The following RASA3 variants were observed in gnomAD, a reference collection of about 807,000 sequenced individuals.
RASA3 encodes the protein RAS p21 protein activator 3.
RASA3 carries 73 observed loss-of-function variants against 110.0 expected under a neutral mutation model. That is an observed-to-expected ratio of 0.66 (90% CI 0.55 to 0.81). The LOEUF (loss-of-function observed/expected upper bound fraction) is 0.81. RASA3 is among the 30% of genes least tolerant of loss of function. The pLI is 0.00. For missense variants in RASA3, 976 were observed against 1,113.2 expected (o/e 0.88, Z 1.75); for synonymous variants, 500 against 451.4 (o/e 1.11, Z -1.37).
intron 4 of RASA3, among the ~76,000 whole-genome samples, chr13:114,034,959 T>C (rs61973881): frequency 1.1e-5 from 1 of 93,566 alleles, no homozygotes; most frequent in African/African-American, 3.6e-5. Flanking sequence ...AGAAGGGAGA[T>C]CTGAACGCTG....
intron 9 of RASA3, among the ~76,000 whole-genome samples, chr13:114,019,367 G>A (rs942385442): frequency 6.6e-6 from 1 of 152,258 alleles, no homozygotes; most frequent in Non-Finnish European, 1.5e-5. Context: ...CCTGGTCATT[G>A]TAAGAGACGT....
intron 1 of RASA3, among the ~76,000 whole-genome samples, chr13:114,100,203 C>G (rs2080037783): frequency 6.6e-6 from 1 of 151,654 alleles, no homozygotes; most frequent in South Asian, 2.1e-4. Flanking sequence ...TCTGACTCTG[C>G]CCCGCCCCGG....
intron 19 of RASA3, 127 bp downstream of exon 19, chr13:114,000,699 G>A (rs905142470): frequency 4.8e-5 from 34 of 713,398 alleles, no homozygotes; most frequent in Admixed American, 1.9e-4. Flanking sequence ...CTGGGTCACC[G>A]CGGCCCCGGG....
chr13:113,991,374 G>T (rs2053109484), intron 22 of RASA3, among the ~76,000 whole-genome samples: 1 of 152,202 alleles, frequency 6.6e-6, no homozygotes, highest in South Asian at 2.1e-4. Flanking sequence ...TTAAATCAGG[G>T]GAATGAAAAG....
In RASA3 at chr13:113,996,629, C is replaced by CTTCTGGT; in HGVS notation, c.2036_2042dup (p.Arg682ProfsTer21). The CTTCTGGT allele has an allele frequency of 6.2e-7, 1 of 1,613,766 alleles. No homozygotes were observed. Among genetic ancestry groups the CTTCTGGT allele is most frequent in the South Asian group, 1.1e-5 (1 of 91,086 alleles). ...CGGACGGGTGGTAGACGGTGAGGCGCTTCTGGTTGCACTGGCTCACTTTGG... is the reference window on the plus strand; with the variant it reads ...CGGACGGGTGGTAGACGGTGAGGCGCTTCTGGTTTCTGGTTGCACTGGCTCACTTTGG... On this transcript the variant is annotated frameshift_variant, in exon 21 of 24. Coordinates refer to ENST00000334062, the MANE Select transcript of RASA3 (RefSeq NM_007368.4). LOFTEE classifies it high-confidence loss of function.
chr13:113,999,759 CA>C (rs2053341587), intron 19 of RASA3, 92 bp from the exon 20 acceptor site: 2 of 643,776 alleles, frequency 3.1e-6, no homozygotes, highest in South Asian at 3.6e-5. Flanking sequence ...GGGGGTCTCC[CA>C]GGGGGTCTTT....
At chr13:114,009,251 A>G in intron 17 of RASA3, 136 bp downstream of exon 17, 1 of 704,478 alleles carries the variant, frequency 1.4e-6, no homozygotes, top group South Asian at 1.7e-5. Flanking sequence ...CAGCGCTGTG[A>G]ATGCACCGAA....
At chr13:114,039,881 C>T (rs938504664) in intron 4 of RASA3, among the ~76,000 whole-genome samples, 4 of 152,186 alleles carry the variant, frequency 2.6e-5, no homozygotes, top group Admixed American at 6.5e-5. Flanking sequence ...CACACAGTCC[C>T]GGCAAGCCAG....
chr13:114,113,699 C>T (rs2080245926), intron 1 of RASA3, among the ~76,000 whole-genome samples: 2 of 60,220 alleles, frequency 3.3e-5, no homozygotes, highest in South Asian at 2.2e-3. Context: ...GCTCACACCG[C>T]GTCCATCAGT....
rs1219716401 is a variant in RASA3 at position 114,073,740 on chromosome 13, T to C, written c.153A>G (p.Lys51=). Residue 51 remains lysine, a synonymous_variant, in exon 2 of 24, where the codon AAA becomes AAG. Coordinates refer to ENST00000334062, the MANE Select transcript of RASA3 (RefSeq NM_007368.4). ...ATTACCAGAGTGACTTTTCCACAAT[T>C]TTGGTCCTGAAAACCTCCTCCTGGT... ...NLDQEEVFRT[K]IVEKSLCPFY... The C allele has an allele frequency of 6.2e-7, 1 of 1,614,036 alleles. No individual in the cohort carries two copies.
At chr13:114,019,663 G>C (rs2053874579) in intron 9 of RASA3, among the ~76,000 whole-genome samples, 1 of 147,248 alleles carries the variant, frequency 6.8e-6, no homozygotes, top group Non-Finnish European at 1.5e-5. Context: ...CGAGGCATTA[G>C]ATCCCCCCTC....
Position 114,056,356 on chromosome 13 carries a change from G to A in RASA3, c.174-4201C>T. 2.5e-6 allele frequency: 2 copies of A among 796,486 alleles called. No individual in the cohort carries two copies. The highest frequency in any genetic ancestry group is 3.0e-6 in the Non-Finnish European group (2 of 657,324). 49.3% of individuals were successfully genotyped at this position (796,486 alleles called of 1,614,324 possible). The stretch of plus-strand genomic sequence containing the variant: ...AGCGCTAAGCACACCCCACAAACGG[G>A]CGCCGCGCACCTGGCATTTAACCCT... On this transcript the variant is annotated intron_variant, in intron 2 of 23. Transcript: ENST00000334062. This position sits in a 1 kb window ranked among gnomAD's most constrained non-coding sequence, Gnocchi z 5.7.
At chr13:114,094,254 C>A (rs1275562470) in intron 1 of RASA3, among the ~76,000 whole-genome samples, 1 of 152,126 alleles carries the variant, frequency 6.6e-6, no homozygotes, top group Non-Finnish European at 1.5e-5. Context: ...ATAGCATTAC[C>A]ATATGATCCA....
intron 1 of RASA3, among the ~76,000 whole-genome samples, chr13:114,099,265 G>T (rs1294763132): frequency 1.3e-5 from 2 of 151,966 alleles, no homozygotes; most frequent in African/African-American, 4.8e-5. Context: ...CACAGCAGAC[G>T]CTCCCAAGCC....
Position 114,000,862 on chromosome 13 carries a change from A to G in RASA3, c.1813T>C (p.Leu605=). 1 of 1,613,812 alleles carries G rather than the reference A, an allele frequency of 6.2e-7. No homozygotes were observed. Among genetic ancestry groups the G allele is most frequent in the South Asian group, 1.1e-5 (1 of 91,074 alleles). ...TGGTAGGTAAATTCATGGTTGGTCA[A>G]GCGAAACCATCTCTTCTTAAAATTC... ...MKNFKKRWFR[L]TNHEFTYHKS... Residue 605 remains leucine (L), a synonymous_variant, in exon 19 of 24, where the codon TTG becomes CTG. Transcript: ENST00000334062.
intron 21 of RASA3, among the ~76,000 whole-genome samples, chr13:113,995,086 G>A (rs1053694973): frequency 6.6e-6 from 1 of 152,216 alleles, no homozygotes; most frequent in Non-Finnish European, 1.5e-5. Flanking sequence ...GGAGCCTCTT[G>A]GGACCCACAG....
intron 18 of RASA3, among the ~76,000 whole-genome samples, chr13:114,003,505 C>A (rs939913797): frequency 1.3e-5 from 2 of 152,164 alleles, no homozygotes; most frequent in African/African-American, 4.8e-5. Context: ...TCAAAGTTTC[C>A]CTTCTTGTTA....
intron 23 of RASA3, among the ~76,000 whole-genome samples, chr13:113,980,252 C>A (rs1270873619): frequency 7.3e-6 from 1 of 136,518 alleles, no homozygotes; most frequent in Non-Finnish European, 1.5e-5. Flanking sequence ...TCCATGTGTG[C>A]CTTCTCCCAC....
rs545340938 is a variant in RASA3, at chr13:114,087,595, A to C, written c.56-13758T>G. Among the ~76,000 whole-genome samples, 3 of 152,296 alleles carry C rather than the reference A, an allele frequency of 2.0e-5. No individual in the cohort carries two copies. The East Asian group carries it at 5.8e-4, about 29-fold the overall frequency. The stretch of plus-strand genomic sequence containing the variant: ...AGCCCCGGCCTGCGCCTCTGGAGGG[A>C]GGGCCCCGGGCAGTGCCAGCAGGAA... On this transcript the variant is annotated intron_variant, in intron 1 of 23. Transcript: ENST00000334062.
Sources: allele counts gnomAD v4.1 joint callset (sites outside exome capture counted in the v4.1 genomes callset), GRCh38; gene constraint gnomAD v4.1.1; non-coding constraint Gnocchi (gnomAD v3.1); transcripts MANE v1.5; gene names NCBI Gene and HGNC (gene_info 2026-07-23, HGNC 2026-07-21).